Variants in IQCM observed in about 807,000 individuals in gnomAD.
IQCM encodes IQ domain-containing protein M.
IQCM carries 45 observed loss-of-function variants against 57.6 expected under a neutral mutation model. That is an observed-to-expected ratio of 0.78 (90% confidence interval 0.62 to 1.00). The LOEUF is 1.00. Among genes scored for constraint, IQCM ranks in the 50% least tolerant of loss-of-function variants. IQCM has a pLI of 0.00. For missense variants in IQCM, 468 were observed against 511.6 expected, an observed-to-expected ratio of 0.91 and a Z score of 0.82; for synonymous variants, 148 against 158.9, an observed-to-expected ratio of 0.93 and a Z score of 0.51.
chr4:149,655,073 T>A (rs1464387029), intron 7 of IQCM, among the ~76,000 whole-genome samples: 1 of 152,168 alleles, frequency 6.6e-6, no homozygotes, highest in East Asian at 1.9e-4. Context: ...AGATGCCATC[T>A]CAATCTTGCT....
chr4:149,608,694 A>G (rs1204059129), intron 8 of IQCM, among the ~76,000 whole-genome samples: 1 of 151,912 alleles, frequency 6.6e-6, no homozygotes, highest in Non-Finnish European at 1.5e-5. Flanking sequence ...AAACAAATTG[A>G]AAACTTTCTT....
intron 13 of IQCM, among the ~76,000 whole-genome samples, chr4:149,414,509 CAGAGCCATATATT>C: frequency 6.6e-6 from 1 of 152,188 alleles, no homozygotes; most frequent in South Asian, 2.1e-4. Context: ...AGAGAGTGCA[CAGAGCCATATATT>C]AGTGAAATAA....
chr4:149,579,803 GATGC>G (rs1461986990), intron 9 of IQCM, among the ~76,000 whole-genome samples: 4 of 151,816 alleles, frequency 2.6e-5, no homozygotes, highest in Non-Finnish European at 5.9e-5. Context: ...ATTTTCAGGA[GATGC>G]AGTCTCTAGT....
intron 12 of IQCM, among the ~76,000 whole-genome samples, chr4:149,542,789 T>C (rs1219238950): frequency 6.6e-6 from 1 of 152,150 alleles, no homozygotes; most frequent in Admixed American, 6.6e-5. Flanking sequence ...TAGCAAACTT[T>C]TATTGTGCAC....
At chr4:149,553,041 A>G (rs1469543776) in intron 11 of IQCM, 102 bp downstream of exon 11, 21 of 865,390 alleles carry the variant, frequency 2.4e-5, no homozygotes, top group Admixed American at 2.1e-4. Context: ...GCAATATAAC[A>G]TATAATCTAC....
At chr4:149,780,478 A>G (rs761332467) in intron 2 of IQCM, among the ~76,000 whole-genome samples, 11 of 152,032 alleles carry the variant, frequency 7.2e-5, no homozygotes, top group Non-Finnish European at 1.6e-4. Flanking sequence ...GAAACCCAAC[A>G]TGAACAATGA....
chr4:149,779,694 T>C (rs1052802360), intron 2 of IQCM, among the ~76,000 whole-genome samples: 1 of 152,140 alleles, frequency 6.6e-6, no homozygotes, highest in Non-Finnish European at 1.5e-5. Context: ...AGGCAGCTAT[T>C]CATTCCCTAA....
intron 11 of IQCM, among the ~76,000 whole-genome samples, chr4:149,552,340 A>G (rs1749119823): frequency 6.6e-6 from 1 of 152,132 alleles, no homozygotes; most frequent in African/African-American, 2.4e-5. Context: ...GACTACCAAC[A>G]TTTTCACATT....
At position 149,659,418 on chromosome 4, in the gene IQCM, C is replaced by T. The variant is rs572004942; in HGVS notation, c.565+22700G>A. On this transcript the variant is annotated intron_variant, in intron 7 of 13. Transcript: ENST00000636793. ...TGGCCATACTGCCCAAGGTAATTTA[C>T]AGATTCAATGCCATCTCCATCAAGC... Among the ~76,000 whole-genome samples, 42 of 152,120 alleles carry T rather than the reference C, an allele frequency of 2.8e-4. 1 individual carries two copies. In the South Asian group the frequency reaches 4.6e-3, roughly 17 times the overall value.
chr4:149,712,620 T>C (rs1764654744), intron 5 of IQCM, among the ~76,000 whole-genome samples: 1 of 152,192 alleles, frequency 6.6e-6, no homozygotes, highest in Non-Finnish European at 1.5e-5. Flanking sequence ...ACAAGACTGG[T>C]AAGGTCTCTG....
chr4:149,683,547 T>C (rs1463940010), intron 6 of IQCM, among the ~76,000 whole-genome samples: 1 of 151,288 alleles, frequency 6.6e-6, no homozygotes, highest in South Asian at 2.1e-4. Context: ...CCTTAAGTTG[T>C]ATCAAGAGAA....
chr4:149,478,455 T>G (rs1017974545), intron 12 of IQCM, among the ~76,000 whole-genome samples: 2 of 152,158 alleles, frequency 1.3e-5, no homozygotes, highest in South Asian at 2.1e-4. Context: ...GGTCACTAAC[T>G]CGACAGTTTA....
chr4:149,656,669 A>G (rs2150144220), intron 7 of IQCM, among the ~76,000 whole-genome samples: 1 of 152,260 alleles, frequency 6.6e-6, no homozygotes, highest in Admixed American at 6.5e-5. Flanking sequence ...AGACCGGGAA[A>G]AACAACATGG....
intron 2 of IQCM, among the ~76,000 whole-genome samples, chr4:149,805,782 AT>A (rs1774023701): frequency 6.6e-6 from 1 of 151,958 alleles, no homozygotes; most frequent in Non-Finnish European, 1.5e-5. Context: ...ATAGTGTTTG[AT>A]TTTTATTTTT....
chr4:149,777,108 T>C (rs977920606), intron 2 of IQCM, among the ~76,000 whole-genome samples: 1 of 152,204 alleles, frequency 6.6e-6, no homozygotes, highest in East Asian at 1.9e-4. Flanking sequence ...CCAAAGCTAC[T>C]ATTAGAGCAA....
intron 7 of IQCM, among the ~76,000 whole-genome samples, chr4:149,666,628 T>G (rs1218583056): frequency 2.6e-5 from 4 of 152,150 alleles, no homozygotes; most frequent in Non-Finnish European, 5.9e-5. Context: ...CAAGTGGTCT[T>G]GCTCAGTGGA....
chr4:149,783,868 A>G (rs1771839461), intron 2 of IQCM, among the ~76,000 whole-genome samples: 1 of 152,156 alleles, frequency 6.6e-6, no homozygotes, highest in Admixed American at 6.5e-5. Flanking sequence ...GACAGTCAGC[A>G]AACAGTTAGG....
chr4:149,596,851 T>A (rs1292402567), intron 8 of IQCM, among the ~76,000 whole-genome samples: 1 of 152,168 alleles, frequency 6.6e-6, no homozygotes, highest in Non-Finnish European at 1.5e-5. Flanking sequence ...AGCAATTTTA[T>A]CAATCATTTT....
intron 12 of IQCM, among the ~76,000 whole-genome samples, chr4:149,513,435 A>C (rs1744624060): frequency 1.3e-5 from 2 of 152,190 alleles, no homozygotes; most frequent in Non-Finnish European, 2.9e-5. Flanking sequence ...AAAAAAGAAA[A>C]GAAGGACCAC....
Sources: allele counts gnomAD v4.1 joint callset (sites outside exome capture counted in the v4.1 genomes callset), GRCh38; gene constraint gnomAD v4.1.1; transcripts MANE v1.5; gene names NCBI Gene and HGNC (gene_info 2026-07-23, HGNC 2026-07-21).